Variants in FAM114A1 observed in about 807,000 individuals in gnomAD.
The protein encoded by FAM114A1 is protein NOXP20.
In FAM114A1, 62 loss-of-function variants were observed where a neutral mutation model predicts 64.3. That is an observed-to-expected ratio of 0.96 (90% CI 0.79 to 1.19). FAM114A1 has a LOEUF of 1.19. FAM114A1 is among the 50% of genes most tolerant of loss of function. The pLI, the probability that FAM114A1 is intolerant of heterozygous loss-of-function variation, is 0.00. For synonymous variants in FAM114A1, 254 were observed against 251.1 expected (o/e 1.01, Z -0.11); for missense variants, 645 against 676.3 (o/e 0.95, Z 0.51).
At chr4:38,899,470 A>G (rs1022998476) in intron 4 of FAM114A1, among the ~76,000 whole-genome samples, 3 of 152,020 alleles carry the variant, frequency 2.0e-5, no homozygotes, top group Non-Finnish European at 4.4e-5. Flanking sequence ...AGTAGACAAC[A>G]CTCCCAGAAT....
rs139052412 is a variant in FAM114A1, at chr4:38,879,365, C to T, written c.348+939C>T. ...TGAGGGACAGGAACTAAACAGGGAACTAGGGGCCCTGGGCATTCACCCTCC... is the reference window on the plus strand; with the variant it reads ...TGAGGGACAGGAACTAAACAGGGAATTAGGGGCCCTGGGCATTCACCCTCC... On this transcript the variant is annotated intron_variant, in intron 3 of 14. Coordinates refer to ENST00000358869, the MANE Select transcript of FAM114A1 (RefSeq NM_138389.4). Among the ~76,000 whole-genome samples the T allele has an allele frequency of 2.0e-4, 30 of 152,332 alleles. No homozygotes were observed. The East Asian group carries it at 5.4e-3, about 27-fold the overall frequency.
At chr4:38,882,995 C>G (rs1274239107) in intron 3 of FAM114A1, among the ~76,000 whole-genome samples, 1 of 138,378 alleles carries the variant, frequency 7.2e-6, no homozygotes, top group Non-Finnish European at 1.6e-5. Flanking sequence ...GGCTTCTTTG[C>G]TTTCTTGTCC....
chr4:38,891,979 C>T (rs1716454962), intron 4 of FAM114A1, 149 bp downstream of exon 4: 2 of 584,668 alleles, frequency 3.4e-6, no homozygotes, highest in Non-Finnish European at 5.3e-6. Context: ...TTCATTTATT[C>T]CTCCAATACA....
At chr4:38,898,739 A>G (rs1717198287) in intron 4 of FAM114A1, among the ~76,000 whole-genome samples, 2 of 152,098 alleles carry the variant, frequency 1.3e-5, no homozygotes, top group Admixed American at 1.3e-4. Context: ...AGGAAAGACT[A>G]TTCCAAAGGA....
At chr4:38,931,756 C>T (rs1720662511) in intron 11 of FAM114A1, 144 bp downstream of exon 11, 2 of 753,338 alleles carry the variant, frequency 2.7e-6, no homozygotes, top group East Asian at 6.0e-5. Context: ...GCCTGGCCAA[C>T]ATGGTGAAAC....
At chr4:38,933,672 T>G (rs1378939040) in intron 12 of FAM114A1, among the ~76,000 whole-genome samples, 2 of 152,210 alleles carry the variant, frequency 1.3e-5, no homozygotes, top group Non-Finnish European at 2.9e-5. Flanking sequence ...GGTATGGAGC[T>G]GAAAAATAAG....
At chr4:38,905,061 C>T (rs970026337) in intron 4 of FAM114A1, among the ~76,000 whole-genome samples, 4 of 152,116 alleles carry the variant, frequency 2.6e-5, no homozygotes, top group African/African-American at 9.7e-5. Flanking sequence ...TATTGGAACC[C>T]ACATCTCAGG....
At chr4:38,933,538 A>G (rs532731556) in intron 12 of FAM114A1, among the ~76,000 whole-genome samples, 20 of 152,220 alleles carry the variant, frequency 1.3e-4, no homozygotes, top group Non-Finnish European at 2.5e-4. Flanking sequence ...ATGTTCTTCA[A>G]TAAATAATAG....
In FAM114A1 at chr4:38,878,255, G is replaced by A; in HGVS notation, c.177G>A (p.Gln59=). Residue 59 remains glutamine, a synonymous_variant, in exon 3 of 15, where the codon CAG becomes CAA. Coordinates refer to ENST00000358869, the MANE Select transcript of FAM114A1 (RefSeq NM_138389.4). ...RGEGHENAAV[Q]GAGAAAIGPP... ...AGGGGCATGAAAATGCAGCTGTGCA[G>A]GGTGCAGGGGCTGCCGCCATTGGGC... The A allele has an allele frequency of 6.2e-7, 1 of 1,614,228 alleles. No homozygotes were observed. Among genetic ancestry groups the A allele is most frequent in the Non-Finnish European group, 8.5e-7 (1 of 1,180,042 alleles).
chr4:38,932,153 A>C, intron 11 of FAM114A1, 82 bp from the exon 12 acceptor site: 1 of 1,436,604 alleles, frequency 7.0e-7, no homozygotes, highest in South Asian at 1.4e-5. Context: ...TGAAAGAATT[A>C]TATCACTTCT....
chr4:38,936,805 C>A (rs1158308188), intron 13 of FAM114A1, among the ~76,000 whole-genome samples: 1 of 152,134 alleles, frequency 6.6e-6, no homozygotes, highest in Non-Finnish European at 1.5e-5. Flanking sequence ...CCGGCCTCGG[C>A]CTCCCAAACT....
At chr4:38,911,915 G>T (rs1718588779) in intron 7 of FAM114A1, among the ~76,000 whole-genome samples, 2 of 137,190 alleles carry the variant, frequency 1.5e-5, no homozygotes, top group African/African-American at 2.8e-5. Context: ...AGGATGGAGT[G>T]CAGTGGCGCG....
chr4:38,931,426 A>G, intron 10 of FAM114A1, 25 bp from the exon 11 acceptor site: 1 of 1,578,688 alleles, frequency 6.3e-7, no homozygotes, highest in Non-Finnish European at 8.6e-7. Context: ...CCATAAAAGG[A>G]TTGTTTGGTT....
chr4:38,879,976 G>A (rs931652383), intron 3 of FAM114A1, among the ~76,000 whole-genome samples: 3 of 151,960 alleles, frequency 2.0e-5, no homozygotes, highest in Admixed American at 6.6e-5. Context: ...AGAGGCAGGA[G>A]GATCACCTGA....
At chr4:38,917,600 T>TTTG (rs60380107) in intron 8 of FAM114A1, among the ~76,000 whole-genome samples, 9,580 of 152,230 alleles carry the variant, frequency 0.063, 762 homozygotes, top group African/African-American at 0.18. Context: ...GTCATAGACA[T>TTTG]TTGTTGTTAT....
At chr4:38,922,655 G>T (rs138166980) in intron 8 of FAM114A1, 115 bp from the exon 9 acceptor site, 1 of 1,351,234 alleles carries the variant, frequency 7.4e-7, no homozygotes, top group East Asian at 2.5e-5. Context: ...TCAACCCAGC[G>T]ATACCTCCCA....
At chr4:38,876,467 T>TGCCAG (rs376810167) in intron 2 of FAM114A1, among the ~76,000 whole-genome samples, 41,699 of 151,958 alleles carry the variant, frequency 0.27, 6,103 homozygotes, top group African/African-American at 0.31. Flanking sequence ...CATTGCACCC[T>TGCCAG]GCCTTCCTAT....
intron 8 of FAM114A1, 74 bp from the exon 9 acceptor site, chr4:38,922,696 T>C (rs1181277455): frequency 1.3e-6 from 2 of 1,521,072 alleles, no homozygotes; most frequent in African/African-American, 2.8e-5. Flanking sequence ...CTGGGAAAAC[T>C]GGGGACCGCT....
At chr4:38,870,728 C>CT (rs1337542608) in intron 2 of FAM114A1, among the ~76,000 whole-genome samples, 2 of 152,160 alleles carry the variant, frequency 1.3e-5, no homozygotes, top group South Asian at 4.1e-4. Context: ...CTAAGTCTGG[C>CT]TTATGGAACA....
Sources: gnomAD v4.1 joint callset for allele counts (sites outside exome capture counted in the v4.1 genomes callset) on GRCh38, gnomAD v4.1.1 for gene constraint, MANE v1.5 for transcripts, NCBI Gene and HGNC (gene_info 2026-07-23, HGNC 2026-07-21) for gene names.